The following LMAN1L variants were observed in gnomAD, a reference collection of about 807,000 sequenced individuals.
The protein encoded by LMAN1L is lectin, mannose binding 1 like, also known as protein ERGIC-53-like.
In LMAN1L, 60 loss-of-function variants were observed where a neutral mutation model predicts 58.3. That is an observed-to-expected ratio of 1.03 (90% CI 0.84 to 1.27). The LOEUF is 1.27. Ranked by LOEUF, LMAN1L falls within the 50% of genes most tolerant of loss-of-function variation. The pLI is 0.00. For missense variants in LMAN1L, 629 were observed against 674.0 expected, an observed-to-expected ratio of 0.93 and a Z score of 0.74; for synonymous variants, 280 against 271.6, an observed-to-expected ratio of 1.03 and a Z score of -0.31.
chr15:74,820,361 AGAG>A (rs1490765890), intron 7 of LMAN1L: 14 of 615,566 alleles, frequency 2.3e-5, no homozygotes, highest in Non-Finnish European at 4.0e-5. Flanking sequence ...GTGGGAGCAC[AGAG>A]GAGGAGTCCC....
At chr15:74,814,378 G>GTTTTTTTT (rs569247875) in intron 1 of LMAN1L, among the ~76,000 whole-genome samples, 7 of 110,566 alleles carry the variant, frequency 6.3e-5, no homozygotes, top group South Asian at 3.1e-4. Context: ...TTTTGTTTTT[G>GTTTTTTTT]TTTTTTTTTT....
At chr15:74,814,662 C>T (rs1018374749) in intron 1 of LMAN1L, among the ~76,000 whole-genome samples, 9 of 152,152 alleles carry the variant, frequency 5.9e-5, no homozygotes, top group Non-Finnish European at 8.8e-5. Context: ...CGAGCCACCG[C>T]GCCCAGCCTA....
chr15:74,822,914 A>G (rs189313003), intron 11 of LMAN1L, among the ~76,000 whole-genome samples: 85 of 152,316 alleles, frequency 5.6e-4, no homozygotes, highest in Admixed American at 4.6e-4. Flanking sequence ...TTAAAAAGCA[A>G]TTCTCTCCTG....
chr15:74,824,242 G>A lies in LMAN1L; in HGVS notation c.1324-109G>A, dbSNP rs1241089080. 16 of 1,048,362 alleles carry A rather than the reference G, an allele frequency of 1.5e-5. No homozygotes were observed. In the Admixed American group the frequency reaches 2.8e-4, roughly 18 times the overall value. The allele number at this position is 1,048,362 out of a possible 1,614,324, so 64.9% of individuals were successfully genotyped here. On this transcript the variant is annotated intron_variant, in intron 12 of 13. Coordinates refer to ENST00000309664, the MANE Select transcript of LMAN1L (RefSeq NM_021819.3). ...AAGTTCCCTGGATGAGAGCCAGGAC[G>A]CCCCAAGCCTGGGGAAAGGAAACGG...
chr15:74,819,552 G>A, intron 6 of LMAN1L: 1 of 524,912 alleles, frequency 1.9e-6, no homozygotes. Context: ...TTAGGAAAAT[G>A]GAGCAAAGAA....
At chr15:74,820,253 C>A (rs867315625) in intron 7 of LMAN1L, 154 bp downstream of exon 7, 2 of 728,710 alleles carry the variant, frequency 2.7e-6, no homozygotes, top group African/African-American at 3.5e-5. Context: ...GTGCTGCGGG[C>A]CAGGGCCGGT....
In LMAN1L at chr15:74,820,632, T is replaced by A. The variant is rs773422360; in HGVS notation, c.775-3T>A. 3 of 1,613,644 alleles carry A rather than the reference T, an allele frequency of 1.9e-6. No homozygotes were observed. Among genetic ancestry groups the A allele is most frequent in the Non-Finnish European group, 2.5e-6 (3 of 1,179,948 alleles). On this transcript the variant is annotated splice_polypyrimidine_tract_variant and splice_region_variant and intron_variant, in intron 7 of 13. Coordinates refer to ENST00000309664, the MANE Select transcript of LMAN1L (RefSeq NM_021819.3). ...GGCCCGACTTTCTGTCTTCCTCCCC[T>A]AGGTTCCCCCTCAGCCCTTCCTGGA...
chr15:74,817,846 T>C (rs1348301986), intron 4 of LMAN1L, among the ~76,000 whole-genome samples: 1 of 151,874 alleles, frequency 6.6e-6, no homozygotes, highest in Non-Finnish European at 1.5e-5. Context: ...ACCCTGTCTC[T>C]ACTAAAAATT....
intron 10 of LMAN1L, 78 bp from the exon 11 acceptor site, chr15:74,822,564 C>A: frequency 8.7e-7 from 1 of 1,151,498 alleles, no homozygotes; most frequent in Non-Finnish European, 1.3e-6. Context: ...GAAGAGGCTG[C>A]AGTGCCGCTG....
rs1272837354 is a variant in LMAN1L, at chr15:74,823,684, T to G, written c.1323+2T>G. 6.2e-7 allele frequency: 1 copy of G among 1,612,616 alleles called. No homozygotes were observed. The highest frequency in any genetic ancestry group is 8.5e-7 in the Non-Finnish European group (1 of 1,179,680). On this transcript the variant is annotated splice_donor_variant, in intron 12 of 13. Coordinates refer to ENST00000309664, the MANE Select transcript of LMAN1L (RefSeq NM_021819.3). LOFTEE classifies it high-confidence loss of function. ...CAGGAGGAGCTTCGGGGCCCGGCGG[T>G]GAGGGGAAAGTAGTGGGCAGCATGG...
In LMAN1L at chr15:74,821,084, T is replaced by A. The variant is rs1304418252; in HGVS notation, c.917T>A (p.Leu306His). Reference sequence around the variant, plus strand: ...CTGCCCTAATCCCCAGGGGAAAGGCTCTTTGACCTGGAGGAGACGCTGGGC... The same window carrying A: ...CTGCCCTAATCCCCAGGGGAAAGGCACTTTGACCTGGAGGAGACGCTGGGC... ...DSEAQGEGER[L>H]FDLEETLGRH... is the part of the protein sequence containing the mutation. Residue 306 changes from leucine (L) to histidine (H), a missense_variant, in exon 9 of 14, where the codon CTC (leucine) becomes CAC (histidine). Transcript: ENST00000309664. 1.9e-6 allele frequency: 3 copies of A among 1,577,170 alleles called. No homozygotes were observed. Among genetic ancestry groups the A allele is most frequent in the Middle Eastern group, 2.1e-4 (1 of 4,866 alleles).
In LMAN1L at chr15:74,814,855, C is replaced by G. The variant is rs531012309; in HGVS notation, c.176-1302C>G. On this transcript the variant is annotated intron_variant, in intron 1 of 13. Coordinates refer to ENST00000309664, the MANE Select transcript of LMAN1L (RefSeq NM_021819.3). ...TAGGCCCTGTCAGTAGGGTTTCTTC[C>G]AGTCCTCCTTCATAGAGACACAGGA... Among the ~76,000 whole-genome samples the G allele has an allele frequency of 3.3e-5, 5 of 152,296 alleles. No individual in the cohort carries two copies. In the East Asian group the frequency reaches 9.6e-4, roughly 29 times the overall value.
At chr15:74,818,203 G>A (rs1402368130) in intron 4 of LMAN1L, among the ~76,000 whole-genome samples, 2 of 152,144 alleles carry the variant, frequency 1.3e-5, no homozygotes, top group South Asian at 2.1e-4. Flanking sequence ...CCGTCAGGCA[G>A]GGCTTGCTTC....
chr15:74,818,586 T>C, intron 4 of LMAN1L, 132 bp from the exon 5 acceptor site: 1 of 687,682 alleles, frequency 1.5e-6, no homozygotes, highest in South Asian at 1.6e-5. Context: ...CTCAGCTACT[T>C]GGGAGGCTGA....
chr15:74,816,758 C>T (rs1015260323), intron 4 of LMAN1L, 68 bp downstream of exon 4: 2 of 1,457,912 alleles, frequency 1.4e-6, no homozygotes, highest in Non-Finnish European at 9.4e-7. Context: ...CCCCCCCATC[C>T]GAGCCCCTGC....
At position 74,825,617 on chromosome 15, in the gene LMAN1L, G is replaced by A. The variant is rs776252474; in HGVS notation, c.*12G>A. On this transcript the variant is annotated 3_prime_UTR_variant, in exon 14 of 14. Coordinates refer to ENST00000309664, the MANE Select transcript of LMAN1L (RefSeq NM_021819.3). ...GCATGCCTGCCTGACCCACCTCAGA[G>A]CCTGCTTTGCATCACTGGGAAGCAG... 6.2e-7 allele frequency: 1 copy of A among 1,606,452 alleles called. No homozygotes were observed. The highest frequency in any genetic ancestry group is 8.5e-7 in the Non-Finnish European group (1 of 1,175,618).
intron 1 of LMAN1L, 144 bp downstream of exon 1, chr15:74,813,173 C>A: frequency 1.1e-6 from 1 of 882,148 alleles, no homozygotes; most frequent in Non-Finnish European, 1.8e-6. Context: ...CACCCCAGGA[C>A]CCCTTCCAGG....
At chr15:74,824,718 GACCC>G (rs1349757013) in intron 13 of LMAN1L, 4 of 451,546 alleles carry the variant, frequency 8.9e-6, no homozygotes, top group Non-Finnish European at 1.6e-5. Flanking sequence ...AGGTCTAACT[GACCC>G]TGTGTCGTCA....
At chr15:74,816,601 G>T (rs1042587316) in intron 3 of LMAN1L, 31 bp from the exon 4 acceptor site, 1 of 1,605,876 alleles carries the variant, frequency 6.2e-7, no homozygotes, top group Non-Finnish European at 8.5e-7. Flanking sequence ...CGCCATGTCC[G>T]CGGCTCAGGC....
Sources: allele counts gnomAD v4.1 joint callset (sites outside exome capture counted in the v4.1 genomes callset), GRCh38; gene constraint gnomAD v4.1.1; transcripts MANE v1.5; gene names NCBI Gene and HGNC (gene_info 2026-07-23, HGNC 2026-07-21).